The following GMDS variants were observed in gnomAD, a reference collection of about 807,000 sequenced individuals.
GMDS encodes the protein GDP-mannose 4,6-dehydratase, also known as GDP-mannose 4,6 dehydratase.
A neutral mutation model predicts 49.9 loss-of-function variants in GMDS; 20 were observed. The ratio of observed to expected loss-of-function variants is 0.40; its 90% confidence interval spans 0.28 to 0.58. The LOEUF is 0.58. Ranked by LOEUF, GMDS falls within the 20% of genes least tolerant of loss-of-function variation. The probability of loss-of-function intolerance (pLI) is 0.42; values close to 1 mark genes in which losing one functional copy is unlikely to be tolerated. For missense variants in GMDS, 362 were observed against 481.4 expected (o/e 0.75, Z 2.32); for synonymous variants, 177 against 178.6 (o/e 0.99, Z 0.07).
intron 4 of GMDS, among the ~76,000 whole-genome samples, 196 bp downstream of exon 4, chr6:2,115,574 AT>A (rs1774800141): frequency 6.6e-6 from 1 of 152,240 alleles, no homozygotes; most frequent in African/African-American, 2.4e-5. Context: ...GTTTTATTAT[AT>A]TGTTTAATAA....
At chr6:1,911,499 C>A (rs1455794690) in intron 7 of GMDS, among the ~76,000 whole-genome samples, 1 of 150,978 alleles carries the variant, frequency 6.6e-6, no homozygotes, top group Non-Finnish European at 1.5e-5. Context: ...AAAAAAATGG[C>A]AGAAAAAACA....
At chr6:1,922,173 C>T (rs142834491) in intron 7 of GMDS, among the ~76,000 whole-genome samples, 1 of 152,222 alleles carries the variant, frequency 6.6e-6, no homozygotes, top group Non-Finnish European at 1.5e-5. Context: ...CACGTAGTTA[C>T]ACAATGCCTT....
chr6:2,205,733 G>T (rs1779776083), intron 1 of GMDS, among the ~76,000 whole-genome samples: 1 of 152,096 alleles, frequency 6.6e-6, no homozygotes, highest in South Asian at 2.1e-4. Context: ...CTACAAGTTG[G>T]ACTCTTTTTC....
At chr6:1,740,226 TG>T (rs1439332876) in intron 8 of GMDS, among the ~76,000 whole-genome samples, 4 of 152,132 alleles carry the variant, frequency 2.6e-5, no homozygotes, top group Non-Finnish European at 5.9e-5. Context: ...TTAATGAGAG[TG>T]GCAGATATTA....
intron 1 of GMDS, among the ~76,000 whole-genome samples, chr6:2,175,174 T>C (rs2127557508): frequency 6.6e-6 from 1 of 152,246 alleles, no homozygotes; most frequent in Admixed American, 6.5e-5. Context: ...TTTTGCTTCT[T>C]GAAAAAGGAG....
At chr6:2,043,216 T>A (rs138051302) in intron 4 of GMDS, 2 of 152,342 alleles carry the variant, frequency 1.3e-5, no homozygotes, top group East Asian at 3.9e-4. Context: ...AAGTCAGACC[T>A]CTCTGTTCAA....
intron 7 of GMDS, among the ~76,000 whole-genome samples, chr6:1,908,585 G>A (rs1198484973): frequency 1.3e-5 from 2 of 152,170 alleles, no homozygotes; most frequent in East Asian, 3.9e-4. Context: ...TAATAAAGAG[G>A]CATAGAAAGT....
chr6:2,239,677 A>G (rs1781521221), intron 1 of GMDS, among the ~76,000 whole-genome samples: 1 of 152,088 alleles, frequency 6.6e-6, no homozygotes, highest in South Asian at 2.1e-4. Context: ...CTCACTTCCA[A>G]TAATGCCAGA....
intron 4 of GMDS, among the ~76,000 whole-genome samples, chr6:2,036,100 TCTC>T (rs1163533371): frequency 6.6e-6 from 1 of 152,152 alleles, no homozygotes; most frequent in Non-Finnish European, 1.5e-5. Context: ...ATGACAGTGT[TCTC>T]CTTTCACCTA....
chr6:1,842,642 T>C (rs566146365), intron 7 of GMDS, among the ~76,000 whole-genome samples: 1 of 152,296 alleles, frequency 6.6e-6, no homozygotes, highest in South Asian at 2.1e-4. Flanking sequence ...TACCTCCAAA[T>C]GTCGGATTAC....
intron 4 of GMDS, among the ~76,000 whole-genome samples, chr6:2,030,604 C>T (rs1768892912): frequency 6.6e-6 from 1 of 152,146 alleles, no homozygotes; most frequent in Admixed American, 6.5e-5. Flanking sequence ...GGATGAATGA[C>T]ATGTGCACAC....
intron 4 of GMDS, among the ~76,000 whole-genome samples, chr6:2,099,293 G>C (rs947466701): frequency 6.6e-6 from 1 of 152,104 alleles, no homozygotes; most frequent in African/African-American, 2.4e-5. Context: ...AGTTGTACTT[G>C]AGTGAAAGTA....
At chr6:1,806,956 G>A (rs1770201741) in intron 7 of GMDS, among the ~76,000 whole-genome samples, 2 of 152,146 alleles carry the variant, frequency 1.3e-5, no homozygotes, top group Admixed American at 6.6e-5. Flanking sequence ...AATATAATAT[G>A]CATATTTGTC....
In GMDS at chr6:1,859,057, C is replaced by A. The variant is rs115990001; in HGVS notation, c.771+71046G>T. On this transcript the variant is annotated intron_variant, in intron 7 of 10. Transcript: ENST00000380815. ...ACGCAGTCTGCCCTACAGGTCTGTG[C>A]TTTGTTTGCAGTCAGACCTGCACAG... is the stretch of plus-strand genomic sequence containing the variant. Among the ~76,000 whole-genome samples, 907 of 152,240 alleles carry A rather than the reference C, an allele frequency of 6.0e-3. 9 individuals carry two copies. Among genetic ancestry groups the A allele is most frequent in the African/African-American group, 0.021 (853 of 41,544 alleles).
chr6:2,065,162 G>C (rs6923705), intron 4 of GMDS, among the ~76,000 whole-genome samples: 12,557 of 152,110 alleles, frequency 0.083, 735 homozygotes, highest in African/African-American at 0.16. Flanking sequence ...AGCAGGGGCA[G>C]ACTGACACCT....
At chr6:1,969,511 CAAG>C (rs769454622) in intron 4 of GMDS, among the ~76,000 whole-genome samples, 6 of 152,110 alleles carry the variant, frequency 3.9e-5, no homozygotes, top group Admixed American at 3.3e-4. Flanking sequence ...TCAGCTGAAA[CAAG>C]AAGAAGAATA....
At position 1,738,489 on chromosome 6, in the gene GMDS, A is replaced by G. The variant is rs183803516; in HGVS notation, c.890+3979T>C. 3.3e-5 allele frequency among the ~76,000 whole-genome samples: 5 copies of G among 152,368 alleles called. No homozygotes were observed. The East Asian group carries it at 9.6e-4, about 29-fold the overall frequency. ...AATATACAGATGGCGACACGTGTCA[A>G]GCCTTTTCGGAGAACATTACAACGG... On this transcript the variant is annotated intron_variant, in intron 8 of 10. Transcript: ENST00000380815.
intron 4 of GMDS, among the ~76,000 whole-genome samples, chr6:1,975,056 A>C (rs569328942): frequency 9.9e-5 from 15 of 151,872 alleles, no homozygotes; most frequent in South Asian, 2.1e-4. Flanking sequence ...AACAAAACAA[A>C]ACAGGGTAAC....
chr6:2,181,421 C>T (rs995824745), intron 1 of GMDS, among the ~76,000 whole-genome samples: 1 of 152,142 alleles, frequency 6.6e-6, no homozygotes, highest in African/African-American at 2.4e-5. Context: ...GCAAATCCTA[C>T]CAATTCTATT....
Sources: allele counts gnomAD v4.1 joint callset (sites outside exome capture counted in the v4.1 genomes callset), GRCh38; gene constraint gnomAD v4.1.1; transcripts MANE v1.5; gene names NCBI Gene and HGNC (gene_info 2026-07-23, HGNC 2026-07-21).